Variants in NCKAP1 observed in about 807,000 individuals in gnomAD.
NCKAP1 encodes the protein NCK associated protein 1.
Under a neutral mutation model 151.2 loss-of-function variants are expected in NCKAP1, and 21 were observed. The ratio of observed to expected loss-of-function variants is 0.14; its 90% CI spans 0.10 to 0.20. The LOEUF is 0.20. NCKAP1 is among the 10% of genes least tolerant of loss of function. The probability of loss-of-function intolerance (pLI) is 1.00; values close to 1 mark genes in which losing one functional copy is unlikely to be tolerated. For synonymous variants in NCKAP1, 484 were observed against 451.8 expected, an observed-to-expected ratio of 1.07 and a Z score of -0.90; for missense variants, 933 against 1,352.1, an observed-to-expected ratio of 0.69 and a Z score of 4.86.
chr2:183,021,612 TAAAAC>T (rs1313686109), intron 2 of NCKAP1, among the ~76,000 whole-genome samples: 1 of 152,018 alleles, frequency 6.6e-6, no homozygotes, highest in African/African-American at 2.4e-5. Flanking sequence ...CCCTGTCTCT[TAAAAC>T]AAAAACAAAA....
rs1159851441 is a variant in NCKAP1 at position 182,912,048 on chromosome 2, A to G, written c.*13654T>C. On this transcript the variant is annotated 3_prime_UTR_variant, in exon 31 of 31. Transcript: ENST00000361354. ...AAAGCTTATGTCCAGCTGAGTAGTT[A>G]TATCAATCACATCATGAAAAATTCC... The G allele has an allele frequency of 2.0e-5, 3 of 152,344 alleles. No homozygotes were observed. Among genetic ancestry groups the G allele is most frequent in the African/African-American group, 4.8e-5 (2 of 41,588 alleles). 9.4% of individuals were successfully genotyped at this position (152,344 alleles called of 1,614,324 possible).
intron 23 of NCKAP1, among the ~76,000 whole-genome samples, chr2:182,949,181 G>A (rs1697165858): frequency 6.6e-6 from 1 of 152,094 alleles, no homozygotes; most frequent in African/African-American, 2.4e-5. Flanking sequence ...TGATAAGATG[G>A]CCTCATTTTC....
intron 10 of NCKAP1, 23 bp from the exon 11 acceptor site, chr2:182,983,405 A>G: frequency 6.8e-7 from 1 of 1,474,560 alleles, no homozygotes; most frequent in Non-Finnish European, 9.4e-7. Flanking sequence ...ACACCATAAT[A>G]GTTTATCTGC....
At chr2:183,014,292 A>G (rs1442782465) in intron 2 of NCKAP1, among the ~76,000 whole-genome samples, 1 of 152,194 alleles carries the variant, frequency 6.6e-6, no homozygotes, top group Non-Finnish European at 1.5e-5. Context: ...TGGAAAGGTC[A>G]GGGAAAGCTT....
In NCKAP1 at chr2:182,977,489, C is replaced by T. The variant is rs146747628; in HGVS notation, c.1424-538G>A. Among the ~76,000 whole-genome samples the T allele has an allele frequency of 3.2e-3, 480 of 151,964 alleles. 3 individuals are homozygous for T. Among genetic ancestry groups the T allele is most frequent in the Non-Finnish European group, 5.5e-3 (376 of 67,972 alleles). ...TGGGCAACAGAGCGGGACTGGGTCT[C>T]AAAAATAAAATAAATAAATATCATG... On this transcript the variant is annotated intron_variant, in intron 14 of 30. Transcript: ENST00000361354.
rs1696511061 is a variant in NCKAP1, at chr2:182,919,177, T to G, written c.*6525A>C. The G allele has an allele frequency of 6.6e-6, 1 of 152,228 alleles. No homozygotes were observed. Among genetic ancestry groups the G allele is most frequent in the Non-Finnish European group, 1.5e-5 (1 of 68,036 alleles). 9.4% of individuals were successfully genotyped at this position (152,228 alleles called of 1,614,324 possible). On this transcript the variant is annotated 3_prime_UTR_variant, in exon 31 of 31. Coordinates refer to ENST00000361354, the MANE Select transcript of NCKAP1 (RefSeq NM_013436.5). The stretch of plus-strand genomic sequence containing the variant: ...ATTATTCTAGTCAGCATTTTTGGCT[T>G]GATAAAACCACAACTACCAGTTAAG...
Position 182,974,699 on chromosome 2 carries a change from C to T in NCKAP1, c.1482+2194G>A, listed in dbSNP as rs116692707. ...TTGAAACAAACCAACCCTGCCAACA[C>T]CTTGCTTTCAGACTGCCAGCCTTCA... is the stretch of plus-strand genomic sequence containing the variant. On this transcript the variant is annotated intron_variant, in intron 15 of 30. Transcript: ENST00000361354. Among the ~76,000 whole-genome samples, 1,438 of 152,150 alleles carry T rather than the reference C, an allele frequency of 9.5e-3. 22 individuals are homozygous for T. Among genetic ancestry groups the T allele is most frequent in the African/African-American group, 0.033 (1,370 of 41,502 alleles).
intron 1 of NCKAP1, among the ~76,000 whole-genome samples, chr2:183,035,498 T>C (rs1436752903): frequency 6.6e-6 from 1 of 152,178 alleles, no homozygotes; most frequent in Non-Finnish European, 1.5e-5. Context: ...GATAATTGAT[T>C]GGCAAACATG....
chr2:183,035,665 T>C (rs545761388), intron 1 of NCKAP1, among the ~76,000 whole-genome samples: 74 of 152,272 alleles, frequency 4.9e-4, no homozygotes, highest in Non-Finnish European at 8.8e-4. Context: ...TTTGAACAAA[T>C]GTTTCAATTC....
At chr2:183,004,983 T>G (rs1698442449) in intron 2 of NCKAP1, among the ~76,000 whole-genome samples, 1 of 152,146 alleles carries the variant, frequency 6.6e-6, no homozygotes, top group African/African-American at 2.4e-5. Context: ...TAGTGACTAT[T>G]TTTAGCTTCA....
At chr2:182,938,965 G>A (rs1696939399) in intron 24 of NCKAP1, among the ~76,000 whole-genome samples, 1 of 152,148 alleles carries the variant, frequency 6.6e-6, no homozygotes, top group Non-Finnish European at 1.5e-5. Flanking sequence ...TTTACTGGTG[G>A]AACAATTTCA....
intron 1 of NCKAP1, among the ~76,000 whole-genome samples, chr2:183,025,299 T>C (rs1369657414): frequency 1.3e-5 from 2 of 152,100 alleles, no homozygotes; most frequent in East Asian, 1.9e-4. Context: ...AAAGACTACA[T>C]GCAGCTATAA....
rs1699143307 is a variant in NCKAP1 at position 183,038,138 on chromosome 2, G to A, written c.-39C>T. 2.1e-6 allele frequency: 3 copies of A among 1,454,198 alleles called. No homozygotes were observed. Among genetic ancestry groups the A allele is most frequent in the Admixed American group, 2.2e-5 (1 of 45,060 alleles). The allele number at this position is 1,454,198 out of a possible 1,614,324, so 90.1% of individuals were successfully genotyped here. ...CCGCCGCCGCCGCCGGCCGCCTCGCGCCCAGTCACGGGCCCGCGGCCTTCG... is the reference window on the plus strand; with the variant it reads ...CCGCCGCCGCCGCCGGCCGCCTCGCACCCAGTCACGGGCCCGCGGCCTTCG... On this transcript the variant is annotated 5_prime_UTR_variant, in exon 1 of 31. Coordinates refer to ENST00000361354, the MANE Select transcript of NCKAP1 (RefSeq NM_013436.5).
At chr2:182,985,575 G>A (rs1241427047) in intron 10 of NCKAP1, among the ~76,000 whole-genome samples, 8 of 152,046 alleles carry the variant, frequency 5.3e-5, no homozygotes, top group Non-Finnish European at 1.2e-4. Flanking sequence ...GGCCAAGGCA[G>A]GCTGATCACT....
At position 183,019,806 on chromosome 2, in the gene NCKAP1, C is replaced by T. The variant is rs1243648358; in HGVS notation, c.219+4000G>A. Among the ~76,000 whole-genome samples, 4 of 151,996 alleles carry T rather than the reference C, an allele frequency of 2.6e-5. No individual in the cohort carries two copies. The South Asian group carries it at 6.2e-4, about 24-fold the overall frequency. ...GAGGCATTTAGTTCAACATCATGAC[C>T]CAAGGAAAAAACCTCATTCCTTGGT... is the stretch of plus-strand genomic sequence containing the variant. On this transcript the variant is annotated intron_variant, in intron 2 of 30. Transcript: ENST00000361354.
At chr2:182,972,775 T>C (rs1485952448) in intron 15 of NCKAP1, among the ~76,000 whole-genome samples, 1 of 152,184 alleles carries the variant, frequency 6.6e-6, no homozygotes, top group Non-Finnish European at 1.5e-5. Context: ...GAAGAAATTA[T>C]GTTAAGTGAA....
At chr2:182,963,480 A>G (rs1326203847) in intron 17 of NCKAP1, among the ~76,000 whole-genome samples, 1 of 152,142 alleles carries the variant, frequency 6.6e-6, no homozygotes, top group East Asian at 1.9e-4. Context: ...AAATCTCTCT[A>G]TTATCTGACC....
intron 1 of NCKAP1, among the ~76,000 whole-genome samples, chr2:183,037,242 T>C (rs1251902185): frequency 6.6e-6 from 1 of 152,228 alleles, no homozygotes; most frequent in Non-Finnish European, 1.5e-5. Flanking sequence ...TTACGGTTTT[T>C]ATTTTGTACA....
In NCKAP1 at chr2:182,986,090, A is replaced by C. The variant is rs1339486566; in HGVS notation, c.1004+81T>G. ...CTACTACCATATCTTGCATACTATT[A>C]ATCTGTACTCACTTCAACAAAATGA... On this transcript the variant is annotated intron_variant, in intron 10 of 30. Transcript: ENST00000361354. 3.9e-6 allele frequency: 5 copies of C among 1,286,078 alleles called. No homozygotes were observed. The East Asian group carries it at 9.6e-5, about 25-fold the overall frequency. 79.7% of individuals were successfully genotyped at this position (1,286,078 alleles called of 1,614,324 possible). A position where few individuals can be genotyped will look rare whatever the true frequency, so the allele number is the denominator to read the frequency against.
Sources: gnomAD v4.1 joint callset for allele counts (sites outside exome capture counted in the v4.1 genomes callset) on GRCh38, gnomAD v4.1.1 for gene constraint, MANE v1.5 for transcripts, NCBI Gene and HGNC (gene_info 2026-07-23, HGNC 2026-07-21) for gene names.